Variants in CCDC141 observed in about 807,000 individuals in gnomAD.
The protein encoded by CCDC141 is coiled-coil domain-containing protein 141.
CCDC141 carries 168 observed loss-of-function variants against 181.0 expected under a neutral mutation model. That is an observed-to-expected ratio of 0.93 (90% CI 0.82 to 1.05). The LOEUF is 1.05. Ranked by LOEUF, CCDC141 falls within the 50% of genes least tolerant of loss-of-function variation. The pLI is 0.00. For missense variants in CCDC141, 1,902 were observed against 1,788.5 expected, an observed-to-expected ratio of 1.06 and a Z score of -1.14; for synonymous variants, 666 against 642.3, an observed-to-expected ratio of 1.04 and a Z score of -0.56.
chr2:178,908,208 T>C (rs1474909683), intron 7 of CCDC141, among the ~76,000 whole-genome samples: 1 of 152,190 alleles, frequency 6.6e-6, no homozygotes, highest in Non-Finnish European at 1.5e-5. Context: ...TTTTGTTTTG[T>C]TTTCTGAGAC....
chr2:179,026,915 G>T (rs1179642852), intron 2 of CCDC141, among the ~76,000 whole-genome samples: 1 of 152,224 alleles, frequency 6.6e-6, no homozygotes, highest in Non-Finnish European at 1.5e-5. Flanking sequence ...GGGGCCTATA[G>T]CCCCTTTGTT....
intron 6 of CCDC141, among the ~76,000 whole-genome samples, chr2:178,919,821 TTC>T (rs1688607029): frequency 6.6e-6 from 1 of 152,274 alleles, no homozygotes; most frequent in Middle Eastern, 3.4e-3. Flanking sequence ...TAAAATGAAG[TTC>T]TGTTACTCCT....
chr2:179,047,514 C>A (rs549693417), intron 1 of CCDC141, 108 bp from the exon 2 acceptor site: 5 of 990,446 alleles, frequency 5.0e-6, no homozygotes, highest in Non-Finnish European at 4.1e-6. Context: ...ACTGTAAACA[C>A]TTTTTTCTAT....
At chr2:179,034,683 C>A (rs1392433899) in intron 2 of CCDC141, among the ~76,000 whole-genome samples, 1 of 152,138 alleles carries the variant, frequency 6.6e-6, no homozygotes, top group East Asian at 1.9e-4. Context: ...AAAGTCTCAA[C>A]CAGTCTTTCC....
rs765765511 is a variant in CCDC141 at position 178,855,363 on chromosome 2, T to C, written c.3044A>G (p.Gln1015Arg). The C allele has an allele frequency of 1.2e-6, 2 of 1,610,132 alleles. No individual in the cohort carries two copies. The highest frequency in any genetic ancestry group is 1.7e-6 in the Non-Finnish European group (2 of 1,178,860). Residue 1015 changes from glutamine (Q) to arginine (R), a missense_variant, in exon 19 of 24, where the codon CAG (glutamine) becomes CGG (arginine). Transcript: ENST00000443758. ...AGAGAATACCTCTTCTATCACCTCC[T>C]GGAAATGCTCAGTCAGGTCCAAATT... ...KKNLDLTEHF[Q>R]EVIEECHFWY...
At chr2:178,824,061 A>ACACACAC in the CCDC141 span, among the ~76,000 whole-genome samples, 45 of 147,524 alleles carry the variant, frequency 3.1e-4, no homozygotes, top group African/African-American at 1.0e-3. Flanking sequence ...TACAGAGAAA[A>ACACACAC]ACACACACAC....
At chr2:178,918,683 C>A (rs781770049) in intron 7 of CCDC141, 30 bp downstream of exon 7, 58 of 1,534,686 alleles carry the variant, frequency 3.8e-5, no homozygotes, top group Non-Finnish European at 4.8e-5. Context: ...GCCTGATTAC[C>A]GAAAATTATC....
At chr2:178,888,865 G>A (rs1399031666) in intron 8 of CCDC141, among the ~76,000 whole-genome samples, 197 bp from the exon 9 acceptor site, 1 of 152,090 alleles carries the variant, frequency 6.6e-6, no homozygotes, top group East Asian at 1.9e-4. Flanking sequence ...CAGTCCTGAG[G>A]GAAAAGATGA....
In CCDC141 at chr2:179,034,922, G is replaced by A. The variant is rs1380993194; in HGVS notation, c.225+12362C>T. On this transcript the variant is annotated intron_variant, in intron 2 of 23. Coordinates refer to ENST00000443758, the MANE Select transcript of CCDC141 (RefSeq NM_173648.4). ...AGGATTATAACCATTTGATTTCCAC[G>A]TAAATTGCAAATATTTTTCTCCCTA... Among the ~76,000 whole-genome samples the A allele has an allele frequency of 4.6e-5, 7 of 152,104 alleles. No individual in the cohort carries two copies. The South Asian group carries it at 8.3e-4, about 18-fold the overall frequency.
chr2:178,895,212 AT>A lies in CCDC141; in HGVS notation c.1266-6545del, dbSNP rs1291925272. Among the ~76,000 whole-genome samples, 3 of 152,288 alleles carry A rather than the reference AT, an allele frequency of 2.0e-5. No homozygotes were observed. The East Asian group carries it at 5.8e-4, about 29-fold the overall frequency. Reference sequence around the variant, plus strand: ...AAACATTTCCCTAGTTTCTGGAAATATTTAGCTGGTTTTCGGGTTTGCACTA... The same window carrying A: ...AAACATTTCCCTAGTTTCTGGAAATATTAGCTGGTTTTCGGGTTTGCACTA... On this transcript the variant is annotated intron_variant, in intron 8 of 23. Transcript: ENST00000443758.
At chr2:178,868,967 G>A (rs911798865) in intron 15 of CCDC141, 150 bp downstream of exon 15, 15 of 483,174 alleles carry the variant, frequency 3.1e-5, no homozygotes, top group Non-Finnish European at 4.1e-5. Context: ...AGGAAGAATA[G>A]GAACATAGTG....
intron 1 of CCDC141, 37 bp downstream of exon 1, chr2:179,049,784 TCAACACACAGCTAGAAGCC>T: frequency 6.5e-7 from 1 of 1,541,126 alleles, no homozygotes; most frequent in African/African-American, 1.4e-5. Flanking sequence ...TTTAGGGTTT[TCAACACACAGCTAGAAGCC>T]CACAGCCGCA....
At chr2:178,849,998 C>A (rs771064819) in intron 21 of CCDC141, 51 bp downstream of exon 21, 4 of 1,002,334 alleles carry the variant, frequency 4.0e-6, no homozygotes, top group Non-Finnish European at 6.2e-6. Context: ...TTGATTAACA[C>A]ATTTTTATTT....
At chr2:179,045,382 T>G (rs936431591) in intron 2 of CCDC141, among the ~76,000 whole-genome samples, 1 of 148,482 alleles carries the variant, frequency 6.7e-6, no homozygotes, top group South Asian at 2.2e-4. Context: ...ATGGTGTATA[T>G]GTGCCACATT....
intron 6 of CCDC141, among the ~76,000 whole-genome samples, chr2:178,924,989 A>C (rs1042416782): frequency 2.6e-5 from 4 of 152,222 alleles, no homozygotes; most frequent in Admixed American, 1.3e-4. Context: ...GTGCAATGAC[A>C]GTCACCACCA....
At chr2:179,035,981 C>T (rs931042950) in intron 2 of CCDC141, among the ~76,000 whole-genome samples, 5 of 152,170 alleles carry the variant, frequency 3.3e-5, no homozygotes, top group African/African-American at 9.7e-5. Flanking sequence ...TCACTATAAC[C>T]AAGCCAGGTT....
intron 8 of CCDC141, among the ~76,000 whole-genome samples, chr2:178,901,780 T>C (rs1362878804): frequency 6.6e-6 from 1 of 151,816 alleles, no homozygotes; most frequent in Non-Finnish European, 1.5e-5. Flanking sequence ...GAGAAGGAAA[T>C]AAAGGGTATT....
chr2:178,845,609 T>G lies in CCDC141; in HGVS notation c.3474+17A>C, dbSNP rs777389777. 30 of 1,350,482 alleles carry G rather than the reference T, an allele frequency of 2.2e-5. No homozygotes were observed. Among genetic ancestry groups the G allele is most frequent in the East Asian group, 1.4e-4 (6 of 43,584 alleles). The allele number at this position is 1,350,482 out of a possible 1,614,324, so 83.7% of individuals were successfully genotyped here. ...AGCAAAAGTCCTCAATAGCTGAGGT[T>G]AAGTAGTTTTCTTTACCTTATTCCT... On this transcript the variant is annotated intron_variant, in intron 22 of 23. Coordinates refer to ENST00000443758, the MANE Select transcript of CCDC141 (RefSeq NM_173648.4).
intron 2 of CCDC141, among the ~76,000 whole-genome samples, chr2:179,028,152 C>G (rs1180855835): frequency 2.0e-5 from 3 of 152,190 alleles, no homozygotes; most frequent in Non-Finnish European, 2.9e-5. Context: ...GGTAACTCCA[C>G]CTTGCCTTAC....
Sources: allele counts gnomAD v4.1 joint callset (sites outside exome capture counted in the v4.1 genomes callset), GRCh38; gene constraint gnomAD v4.1.1; transcripts MANE v1.5; gene names NCBI Gene and HGNC (gene_info 2026-07-23, HGNC 2026-07-21).